The following FGFRL1 variants were observed in gnomAD, a reference collection of about 807,000 sequenced individuals.
The protein encoded by FGFRL1 is fibroblast growth factor receptor like 1.
FGFRL1 carries 24 observed loss-of-function variants against 36.8 expected under a neutral mutation model. The observed-to-expected ratio is 0.65, with a 90% CI of 0.47 to 0.92. The LOEUF (loss-of-function observed/expected upper bound fraction) is 0.92. Among genes scored for constraint, FGFRL1 ranks in the 40% least tolerant of loss-of-function variants. The probability of loss-of-function intolerance (pLI) is 0.00; values close to 1 mark genes in which losing one functional copy is unlikely to be tolerated. For missense variants in FGFRL1, 785 were observed against 753.4 expected (o/e 1.04, Z -0.49); for synonymous variants, 422 against 344.1 (o/e 1.23, Z -2.50).
chr4:1,021,673 A>G (rs1253310729), intron 2 of FGFRL1, among the ~76,000 whole-genome samples: 1 of 152,084 alleles, frequency 6.6e-6, no homozygotes, highest in Non-Finnish European at 1.5e-5. Flanking sequence ...GCCCATGCCC[A>G]GGCCCGGCTG....
At chr4:1,012,833 C>G (rs1302664003) in intron 2 of FGFRL1, among the ~76,000 whole-genome samples, 1 of 152,252 alleles carries the variant, frequency 6.6e-6, no homozygotes, top group East Asian at 1.9e-4. Context: ...AGGACATGCT[C>G]CTGGTCTTGC....
In FGFRL1 at chr4:1,024,490, G is replaced by C; in HGVS notation, c.898G>C (p.Gly300Arg). The C allele has an allele frequency of 6.2e-7, 1 of 1,612,552 alleles. No homozygotes were observed. Among genetic ancestry groups the C allele is most frequent in the Admixed American group, 1.7e-5 (1 of 60,010 alleles). ...GRHNSTIDVG[G>R]QKFVVLPTGD... ...CCACAACTCCACCATCGATGTGGGC[G>C]GCCAGAAGTTTGTGGTGCTGCCCAC... The change falls in exon 6 of 7, where the codon GGC becomes CGC. Residue 300 changes from glycine to arginine, a missense_variant. Transcript: ENST00000510644.
At chr4:1,016,512 G>C (rs964793391) in intron 2 of FGFRL1, among the ~76,000 whole-genome samples, 1 of 152,230 alleles carries the variant, frequency 6.6e-6, no homozygotes, top group Admixed American at 6.5e-5. Context: ...GTGTGTCGAG[G>C]AGGGGGAGCA....
chr4:1,014,969 G>A (rs1048055329), intron 2 of FGFRL1, among the ~76,000 whole-genome samples: 3 of 152,224 alleles, frequency 2.0e-5, no homozygotes, highest in South Asian at 2.1e-4. Flanking sequence ...ATGGGCCTCC[G>A]GGCTCCCTTT....
rs1211846745 is a variant in FGFRL1 at position 1,023,629 on chromosome 4, GTC to G, written c.353-6_353-5del. 3 of 1,594,278 alleles carry G rather than the reference GTC, an allele frequency of 1.9e-6. No individual in the cohort carries two copies. Among genetic ancestry groups the G allele is most frequent in the African/African-American group, 1.3e-5 (1 of 74,784 alleles). ...TCACCTGCCCTCCCTGTGCACCTCC[GTC>G]TCTCTGCAGATGACATTAGCCCAGG... is the stretch of plus-strand genomic sequence containing the variant. On this transcript the variant is annotated splice_polypyrimidine_tract_variant and intron_variant, in intron 3 of 6. Coordinates refer to ENST00000510644, the MANE Select transcript of FGFRL1 (RefSeq NM_001004356.3). The surrounding 1 kb of genome is among the most constrained non-coding windows in gnomAD (Gnocchi z 6.0).
chr4:1,019,523 C>A (rs970776035), intron 2 of FGFRL1, among the ~76,000 whole-genome samples: 1 of 152,190 alleles, frequency 6.6e-6, no homozygotes, highest in Non-Finnish European at 1.5e-5. Context: ...TGGGGTCAAC[C>A]TGGGGTGCGT....
intron 2 of FGFRL1, among the ~76,000 whole-genome samples, chr4:1,013,796 C>T (rs879776708): frequency 1.1e-4 from 17 of 152,296 alleles, no homozygotes; most frequent in South Asian, 2.1e-4. Flanking sequence ...TGGATGGCCA[C>T]GGTCAGCCAT....
At position 1,024,763 on chromosome 4, in the gene FGFRL1, C is replaced by T. The variant is rs529522714; in HGVS notation, c.1072+99C>T. The T allele has an allele frequency of 5.2e-5, 73 of 1,414,398 alleles. No individual in the cohort carries two copies. The South Asian group carries it at 5.2e-4, about 10-fold the overall frequency. The allele number at this position is 1,414,398 out of a possible 1,614,324, so 87.6% of individuals were successfully genotyped here. A position where few individuals can be genotyped will look rare whatever the true frequency, so the allele number is the denominator to read the frequency against. On this transcript the variant is annotated intron_variant, in intron 6 of 6. Transcript: ENST00000510644. ...CGGGTGGGGCCCCACCCTTCCCTCC[C>T]GGGCCGTGCTGGCCAGGTCATCTGC... is the stretch of plus-strand genomic sequence containing the variant.
chr4:1,025,280 ACACACACTCT>A lies in FGFRL1; in HGVS notation c.1456_1465del (p.Ser486ThrfsTer91). ...TACACAGACATCCACACACACACAC[ACACACACTCT>A]CACACACACTCACACGTGGAGGGCA... On this transcript the variant is annotated frameshift_variant, in exon 7 of 7. Transcript: ENST00000510644. LOFTEE classifies it high-confidence loss of function. 6.3e-7 allele frequency: 1 copy of A among 1,589,916 alleles called. No individual in the cohort carries two copies. Among genetic ancestry groups the A allele is most frequent in the Non-Finnish European group, 8.6e-7 (1 of 1,167,844 alleles).
At chr4:1,021,133 AG>A (rs1716155316) in intron 2 of FGFRL1, among the ~76,000 whole-genome samples, 2 of 78,280 alleles carry the variant, frequency 2.6e-5, no homozygotes, top group African/African-American at 5.3e-5. Flanking sequence ...GGACCCAGGC[AG>A]GGGAAGGGGT....
chr4:1,013,552 C>T (rs1715725406), intron 2 of FGFRL1, among the ~76,000 whole-genome samples: 1 of 152,382 alleles, frequency 6.6e-6, no homozygotes, highest in South Asian at 2.1e-4. Flanking sequence ...CCCGCCTGCC[C>T]ACATGGGCCT....
Position 1,025,276 on chromosome 4 carries a change from ACACACACACACTCT to A in FGFRL1, c.1454_1467del (p.His485LeufsTer62). The A allele has an allele frequency of 6.3e-7, 1 of 1,589,498 alleles. No homozygotes were observed. The highest frequency in any genetic ancestry group is 8.6e-7 in the Non-Finnish European group (1 of 1,167,284). ...ACTCTACACAGACATCCACACACAC[ACACACACACACTCT>A]CACACACACTCACACGTGGAGGGCA... On this transcript the variant is annotated frameshift_variant, in exon 7 of 7. Transcript: ENST00000510644. LOFTEE classifies it high-confidence loss of function.
intron 2 of FGFRL1, among the ~76,000 whole-genome samples, chr4:1,014,210 C>T (rs746179908): frequency 1.3e-5 from 2 of 151,932 alleles, no homozygotes; most frequent in Non-Finnish European, 2.9e-5. Context: ...ACACTCAGAT[C>T]ATATTTTAAA....
rs1466236583 is a variant in FGFRL1 at position 1,024,334 on chromosome 4, C to G, written c.742C>G (p.Leu248Val). ...AGAGCGGACCCGTTCCAAGCCCGTG[C>G]TCACAGGCACGCACCCCGTGAACAC... ...VIQRTRSKPVLTGTHPVNTTV... is the reference protein window; with the variant it reads ...VIQRTRSKPVVTGTHPVNTTV... The change falls in exon 6 of 7, where the codon CTC becomes GTC. Residue 248 changes from leucine (L) to valine (V), a missense_variant. Leu to Val is a conservative substitution (Grantham distance 32, BLOSUM62 1). Coordinates refer to ENST00000510644, the MANE Select transcript of FGFRL1 (RefSeq NM_001004356.3). The G allele has an allele frequency of 6.2e-7, 1 of 1,606,950 alleles. No homozygotes were observed. Among genetic ancestry groups the G allele is most frequent in the East Asian group, 2.2e-5 (1 of 44,726 alleles).
At chr4:1,015,530 G>A (rs1715843550) in intron 2 of FGFRL1, among the ~76,000 whole-genome samples, 1 of 152,220 alleles carries the variant, frequency 6.6e-6, no homozygotes, top group Non-Finnish European at 1.5e-5. Context: ...CAGGAGAGGT[G>A]GGTACCAGTC....
At chr4:1,013,481 C>T (rs1051398023) in intron 2 of FGFRL1, among the ~76,000 whole-genome samples, 2 of 152,218 alleles carry the variant, frequency 1.3e-5, no homozygotes, top group Non-Finnish European at 2.9e-5. Flanking sequence ...TGGGCACGTT[C>T]GGGTGCTGGG....
intron 6 of FGFRL1, 27 bp from the exon 7 acceptor site, chr4:1,024,878 C>G: frequency 1.3e-6 from 2 of 1,562,200 alleles, no homozygotes; most frequent in Non-Finnish European, 1.7e-6. Flanking sequence ...GTTCCCCTCC[C>G]TACCTCCTTT....
chr4:1,017,584 A>G (rs1004478027), intron 2 of FGFRL1, among the ~76,000 whole-genome samples: 1 of 152,162 alleles, frequency 6.6e-6, no homozygotes, highest in East Asian at 1.9e-4. Flanking sequence ...AGGGGTGGAT[A>G]CCACTGGCCT....
Position 1,025,712 on chromosome 4 carries a change from G to A in FGFRL1, c.*365G>A, listed in dbSNP as rs116173564. 1,751 of 329,876 alleles carry A rather than the reference G, an allele frequency of 5.3e-3. 27 individuals are homozygous for A. Among genetic ancestry groups the A allele is most frequent in the African/African-American group, 0.035 (1,643 of 46,556 alleles). The allele number at this position is 329,876 out of a possible 1,614,324, so 20.4% of individuals were successfully genotyped here. A position where few individuals can be genotyped will look rare whatever the true frequency, so the allele number is the denominator to read the frequency against. On this transcript the variant is annotated 3_prime_UTR_variant, in exon 7 of 7. Coordinates refer to ENST00000510644, the MANE Select transcript of FGFRL1 (RefSeq NM_001004356.3). ...TGAACATACACACGCACACCCATGCGCAGATGTGCTGCCTGGACACACACA... is the reference window on the plus strand; with the variant it reads ...TGAACATACACACGCACACCCATGCACAGATGTGCTGCCTGGACACACACA...
Sources: allele counts gnomAD v4.1 joint callset (sites outside exome capture counted in the v4.1 genomes callset), GRCh38; gene constraint gnomAD v4.1.1; non-coding constraint Gnocchi (gnomAD v3.1); transcripts MANE v1.5; gene names NCBI Gene and HGNC (gene_info 2026-07-23, HGNC 2026-07-21).